SHPRH: variants seen among roughly 807,000 people sequenced by gnomAD.
The protein encoded by SHPRH is E3 ubiquitin-protein ligase SHPRH.
In SHPRH, 106 loss-of-function variants were observed where a neutral mutation model predicts 202.5. The ratio of observed to expected loss-of-function variants is 0.52; its 90% CI spans 0.45 to 0.62. The LOEUF (loss-of-function observed/expected upper bound fraction) is 0.62, where lower values mean the gene tolerates loss of function less well. Ranked by LOEUF, SHPRH falls within the 20% of genes least tolerant of loss-of-function variation. SHPRH has a pLI of 0.00. For synonymous variants in SHPRH, 729 were observed against 686.0 expected, an observed-to-expected ratio of 1.06 and a Z score of -0.98; for missense variants, 1,710 against 2,020.0, an observed-to-expected ratio of 0.85 and a Z score of 2.94.
intron 2 of SHPRH, among the ~76,000 whole-genome samples, chr6:145,864,802 A>G (rs1779698117): frequency 6.6e-6 from 1 of 152,102 alleles, no homozygotes; most frequent in Non-Finnish European, 1.5e-5. Context: ...TGAAATAATT[A>G]TTTGTTCCTT....
At chr6:145,901,373 A>C (rs748544328) in intron 25 of SHPRH, among the ~76,000 whole-genome samples, 1 of 152,130 alleles carries the variant, frequency 6.6e-6, no homozygotes, top group Non-Finnish European at 1.5e-5. Context: ...CCAGCTTCTG[A>C]GAAGACTATT....
At chr6:145,922,159 A>C (rs566314078) in intron 20 of SHPRH, 127 bp downstream of exon 20, 3 of 769,216 alleles carry the variant, frequency 3.9e-6, no homozygotes, top group Admixed American at 3.5e-5. Flanking sequence ...AGGTGTACTA[A>C]TCAATTTAAT....
At chr6:145,859,190 A>T in the SHPRH span, among the ~76,000 whole-genome samples, 1 of 152,072 alleles carries the variant, frequency 6.6e-6, no homozygotes, top group Non-Finnish European at 1.5e-5. Context: ...ATTTTGAAGA[A>T]ATGAATCCCA....
At chr6:145,941,181 A>C (rs1313340885) in intron 10 of SHPRH, among the ~76,000 whole-genome samples, 1 of 152,196 alleles carries the variant, frequency 6.6e-6, no homozygotes, top group Admixed American at 6.5e-5. Flanking sequence ...GAATAAAGAC[A>C]TATGACATTC....
downstream of SHPRH, chr6:145,883,740 CTG>C (rs1293733204): frequency 1.3e-5 from 2 of 152,106 alleles, no homozygotes; most frequent in Admixed American, 1.3e-4. Flanking sequence ...TTGTACTAGA[CTG>C]TTGTAATGCA....
In SHPRH at chr6:145,955,186, C is replaced by T. The variant is rs774191147; in HGVS notation, c.137G>A (p.Gly46Asp). 2 of 1,613,782 alleles carry T rather than the reference C, an allele frequency of 1.2e-6. No individual in the cohort carries two copies. The highest frequency in any genetic ancestry group is 1.7e-6 in the Non-Finnish European group (2 of 1,179,934). ...ATAATGAGCAGAAGAGGTATCTGAA[C>T]CTGGGCAGGGCTGCTCGTCATCATC... is the stretch of plus-strand genomic sequence containing the variant. ...ISDDDEQPCP[G>D]SDTSSAHYII... Residue 46 changes from glycine to aspartate, a missense_variant, in exon 2 of 30, where the codon GGT (glycine) becomes GAT (aspartate). Around this residue, in one of 8 missense-constraint regions of SHPRH, gnomAD observed 459 missense variants for 426.5 expected, o/e 1.08. Coordinates refer to ENST00000275233, the MANE Select transcript of SHPRH (RefSeq NM_001042683.3).
chr6:145,914,519 A>G (rs113080427), intron 23 of SHPRH, among the ~76,000 whole-genome samples: 2 of 152,306 alleles, frequency 1.3e-5, no homozygotes, highest in African/African-American at 4.8e-5. Flanking sequence ...AGCCACAGAC[A>G]ATACGTAAAT....
chr6:145,874,867 T>C (rs894553045), intron 2 of SHPRH, among the ~76,000 whole-genome samples: 3 of 152,198 alleles, frequency 2.0e-5, no homozygotes, highest in Non-Finnish European at 4.4e-5. Flanking sequence ...AAACTGGTTT[T>C]TGCATAATAT....
At chr6:145,866,826 T>G (rs141726568) in intron 2 of SHPRH, among the ~76,000 whole-genome samples, 13 of 152,302 alleles carry the variant, frequency 8.5e-5, no homozygotes, top group African/African-American at 3.1e-4. Context: ...ACAAAAGTGT[T>G]TTCTCCACAC....
chr6:145,951,952 G>A (rs1028829642), intron 3 of SHPRH: 1 of 452,124 alleles, frequency 2.2e-6, no homozygotes, highest in African/African-American at 2.0e-5. Context: ...AAAGTTATCT[G>A]GTCTTTATGG....
chr6:145,963,574 G>A (rs1220823718), intron 1 of SHPRH, among the ~76,000 whole-genome samples, 157 bp downstream of exon 1: 4 of 152,178 alleles, frequency 2.6e-5, no homozygotes, highest in Admixed American at 6.5e-5. Context: ...TTCTGAATTC[G>A]AATGTAATTA....
chr6:145,934,646 G>A (rs1312482525), intron 13 of SHPRH, among the ~76,000 whole-genome samples: 1 of 151,446 alleles, frequency 6.6e-6, no homozygotes, highest in Non-Finnish European at 1.5e-5. Flanking sequence ...GCCTGGGAAA[G>A]AGTGAGACCC....
intron 25 of SHPRH, among the ~76,000 whole-genome samples, chr6:145,900,579 G>T (rs148527161): frequency 6.0e-4 from 92 of 152,170 alleles, no homozygotes; most frequent in African/African-American, 2.1e-3. Flanking sequence ...CTATTATACA[G>T]CATGGTGACT....
Position 145,943,527 on chromosome 6 carries a change from T to A in SHPRH, c.1854A>T (p.Thr618=), listed in dbSNP as rs774712618. Residue 618 remains threonine (T), a synonymous_variant, in exon 9 of 30, where the codon ACA becomes ACT. Transcript: ENST00000275233. The part of the protein sequence containing the change: ...GITDVAMSKS[T]CISEFNQEHE... The stretch of plus-strand genomic sequence containing the variant: ...GTTCTTGGTTGAATTCAGAGATACA[T>A]GTACTTTTAGACATAGCAACATCAG... The A allele has an allele frequency of 1.2e-6, 2 of 1,614,054 alleles. No individual in the cohort carries two copies. Among genetic ancestry groups the A allele is most frequent in the South Asian group, 1.1e-5 (1 of 91,086 alleles).
intron 20 of SHPRH, among the ~76,000 whole-genome samples, chr6:145,921,935 T>G (rs76202073): frequency 1.3e-5 from 2 of 152,128 alleles, no homozygotes; most frequent in East Asian, 3.9e-4. Context: ...TCTTTATTCT[T>G]GAAGAAGTTA....
intron 24 of SHPRH, among the ~76,000 whole-genome samples, chr6:145,912,408 A>C (rs905077688): frequency 6.6e-5 from 10 of 152,156 alleles, no homozygotes; most frequent in African/African-American, 2.4e-4. Context: ...ATGTATATGA[A>C]AGAACTTTAA....
intron 3 of SHPRH, 77 bp downstream of exon 3, chr6:145,952,272 T>C (rs1788054419): frequency 1.6e-6 from 2 of 1,288,430 alleles, no homozygotes; most frequent in African/African-American, 1.5e-5. Flanking sequence ...TTTTTCTGAT[T>C]GTTATGTCCA....
intron 28 of SHPRH, among the ~76,000 whole-genome samples, chr6:145,891,641 T>C (rs188358564): frequency 6.6e-6 from 1 of 152,318 alleles, no homozygotes; most frequent in Admixed American, 6.5e-5. Context: ...GCAGGCAGAC[T>C]GTTCAAGTTG....
chr6:145,961,253 C>T (rs1789061257), intron 1 of SHPRH, among the ~76,000 whole-genome samples: 1 of 152,122 alleles, frequency 6.6e-6, no homozygotes, highest in South Asian at 2.1e-4. Context: ...ACCAGGGGAA[C>T]TTAAAAAAAT....
Sources: gnomAD v4.1 joint callset for allele counts (sites outside exome capture counted in the v4.1 genomes callset) on GRCh38, gnomAD v4.1.1 for gene constraint, gnomAD v4.1.1 regional missense constraint, MANE v1.5 for transcripts, NCBI Gene and HGNC (gene_info 2026-07-23, HGNC 2026-07-21) for gene names.